The following TMTC2 variants were observed in gnomAD, a reference collection of about 807,000 sequenced individuals.
The protein encoded by TMTC2 is protein O-mannosyl-transferase TMTC2.
A neutral mutation model predicts 82.4 loss-of-function variants in TMTC2; 43 were observed. The observed-to-expected ratio is 0.52, with a 90% CI of 0.41 to 0.67. The LOEUF is 0.67. TMTC2 is among the 30% of genes least tolerant of loss of function. The pLI is 0.00. For missense variants in TMTC2, 919 were observed against 1,012.4 expected, an observed-to-expected ratio of 0.91 and a Z score of 1.25; for synonymous variants, 408 against 381.9, an observed-to-expected ratio of 1.07 and a Z score of -0.80.
intron 1 of TMTC2, among the ~76,000 whole-genome samples, chr12:82,733,581 C>T (rs1374618169): frequency 6.6e-6 from 1 of 152,096 alleles, no homozygotes; most frequent in Admixed American, 6.5e-5. Flanking sequence ...AAATGACATG[C>T]CTTTGACGAT....
chr12:83,047,583 TGAGAA>T (rs998846091), intron 9 of TMTC2, among the ~76,000 whole-genome samples: 10 of 152,178 alleles, frequency 6.6e-5, no homozygotes, highest in African/African-American at 2.2e-4. Flanking sequence ...TGTGGCCTGT[TGAGAA>T]GAGAATAGAG....
intron 1 of TMTC2, among the ~76,000 whole-genome samples, chr12:82,701,203 G>T (rs1873060332): frequency 6.6e-6 from 1 of 152,062 alleles, no homozygotes. Flanking sequence ...TATATCTTAG[G>T]TAATGACATA....
intron 1 of TMTC2, among the ~76,000 whole-genome samples, chr12:82,788,126 A>G (rs1878276660): frequency 2.0e-5 from 3 of 151,796 alleles, no homozygotes; most frequent in Non-Finnish European, 2.9e-5. Context: ...ACTGTAATGG[A>G]TTTTCTTTAA....
intron 1 of TMTC2, among the ~76,000 whole-genome samples, chr12:82,762,492 C>T (rs1352900868): frequency 6.6e-6 from 1 of 152,196 alleles, no homozygotes; most frequent in Non-Finnish European, 1.5e-5. Flanking sequence ...GCCGCTTAAC[C>T]TCTTTTTCCA....
chr12:82,775,995 A>C (rs564199919), intron 1 of TMTC2, among the ~76,000 whole-genome samples: 2 of 151,956 alleles, frequency 1.3e-5, no homozygotes, highest in African/African-American at 4.8e-5. Flanking sequence ...AAAGTTGTAC[A>C]TGCATGGGTT....
intron 9 of TMTC2, among the ~76,000 whole-genome samples, chr12:83,032,712 T>C (rs2930701): frequency 6.6e-6 from 1 of 151,694 alleles, no homozygotes; most frequent in South Asian, 2.1e-4. Flanking sequence ...GCCCAGCTAA[T>C]TTTTTATTTT....
chr12:82,732,551 G>A (rs1874880274), intron 1 of TMTC2, among the ~76,000 whole-genome samples: 2 of 152,114 alleles, frequency 1.3e-5, no homozygotes, highest in African/African-American at 4.8e-5. Context: ...CACCGTGTTA[G>A]CCAGGATGGT....
chr12:83,077,510 T>C (rs975263980), intron 11 of TMTC2, among the ~76,000 whole-genome samples: 1 of 152,216 alleles, frequency 6.6e-6, no homozygotes, highest in Non-Finnish European at 1.5e-5. Context: ...GTAAAACTTA[T>C]GTTAAATTCT....
intron 4 of TMTC2, among the ~76,000 whole-genome samples, chr12:82,945,731 A>G (rs1160902374): frequency 1.3e-5 from 2 of 152,238 alleles, no homozygotes; most frequent in Admixed American, 1.3e-4. Flanking sequence ...AGTCCTCTGC[A>G]GATTTCCAAT....
chr12:82,916,498 A>G (rs1875006647), intron 3 of TMTC2, among the ~76,000 whole-genome samples: 1 of 152,116 alleles, frequency 6.6e-6, no homozygotes, highest in Admixed American at 6.5e-5. Context: ...CCAAAATAAA[A>G]ATCGAACACT....
intron 1 of TMTC2, among the ~76,000 whole-genome samples, chr12:82,766,057 G>C (rs1392484442): frequency 1.3e-5 from 2 of 152,124 alleles, no homozygotes; most frequent in African/African-American, 4.8e-5. Context: ...TGCTGGTCTA[G>C]GATCCCATGA....
chr12:83,085,138 C>T (rs911448340), intron 11 of TMTC2, among the ~76,000 whole-genome samples: 1 of 152,138 alleles, frequency 6.6e-6, no homozygotes, highest in Non-Finnish European at 1.5e-5. Context: ...ATCCTCTCTG[C>T]AATTTCTATT....
intron 1 of TMTC2, among the ~76,000 whole-genome samples, chr12:82,697,334 C>CAAAAAAAAAAAAAAA (rs367770708): frequency 1.6e-5 from 1 of 61,676 alleles, no homozygotes. Context: ...CAGCCTGTCT[C>CAAAAAAAAAAAAAAA]AAAAAAAAAA....
At chr12:82,884,259 T>C (rs923474957) in intron 2 of TMTC2, among the ~76,000 whole-genome samples, 16 of 152,164 alleles carry the variant, frequency 1.1e-4, no homozygotes, top group African/African-American at 3.6e-4. Flanking sequence ...CAAAACACCA[T>C]AGCAATGGGT....
intron 9 of TMTC2, among the ~76,000 whole-genome samples, chr12:83,035,609 T>A (rs1242273130): frequency 1.3e-5 from 2 of 152,256 alleles, no homozygotes; most frequent in Admixed American, 6.5e-5. Context: ...TGTATTTGTA[T>A]GTTGTCAAGT....
chr12:82,856,324 AGTT>A (rs1871258244), intron 1 of TMTC2, among the ~76,000 whole-genome samples: 1 of 152,210 alleles, frequency 6.6e-6, no homozygotes, highest in South Asian at 2.1e-4. Flanking sequence ...GAAAGGCTGA[AGTT>A]TATTAGAATG....
rs1430369550 is a variant in TMTC2 at position 82,813,108 on chromosome 12, CT to C, written c.84-43899del. On this transcript the variant is annotated intron_variant, in intron 1 of 11. Transcript: ENST00000321196. ...ACTGTAATAGTGTTTATCTGTATCT[CT>C]TTCTTTTAAAATGTGTGAACTCAGC... is the stretch of plus-strand genomic sequence containing the variant. Among the ~76,000 whole-genome samples, 9 of 136,370 alleles carry C rather than the reference CT, an allele frequency of 6.6e-5. No homozygotes were observed. In the East Asian group the frequency reaches 7.7e-4, roughly 12 times the overall value. The allele number at this position is 136,370 out of a possible 152,430, so 89.5% of individuals were successfully genotyped here.
chr12:83,016,265 T>C (rs1880672331), intron 8 of TMTC2, among the ~76,000 whole-genome samples: 1 of 152,234 alleles, frequency 6.6e-6, no homozygotes, highest in Non-Finnish European at 1.5e-5. Flanking sequence ...TTTCTTAATT[T>C]GGATCTTCTA....
chr12:82,767,627 T>C (rs536743069), intron 1 of TMTC2, among the ~76,000 whole-genome samples: 2 of 152,002 alleles, frequency 1.3e-5, no homozygotes, highest in African/African-American at 4.8e-5. Context: ...TGGATGTTGG[T>C]CAGTTTTTAT....
Sources: allele counts gnomAD v4.1 joint callset (sites outside exome capture counted in the v4.1 genomes callset), GRCh38; gene constraint gnomAD v4.1.1; transcripts MANE v1.5; gene names NCBI Gene and HGNC (gene_info 2026-07-23, HGNC 2026-07-21).